INVS: variants seen among roughly 807,000 people sequenced by gnomAD.
The protein encoded by INVS is inversin.
In INVS, 86 loss-of-function variants were observed where a neutral mutation model predicts 108.8. The ratio of observed to expected loss-of-function variants is 0.79; its 90% CI spans 0.66 to 0.95. The LOEUF (loss-of-function observed/expected upper bound fraction) is 0.95. Among genes scored for constraint, INVS ranks in the 40% least tolerant of loss-of-function variants. The probability of loss-of-function intolerance (pLI) is 0.00; values close to 1 mark genes in which losing one functional copy is unlikely to be tolerated. For synonymous variants in INVS, 455 were observed against 473.5 expected, an observed-to-expected ratio of 0.96 and a Z score of 0.51; for missense variants, 1,169 against 1,297.4, an observed-to-expected ratio of 0.90 and a Z score of 1.52.
chr9:100,203,746 G>T (rs897319714), intron 3 of INVS, among the ~76,000 whole-genome samples: 1 of 151,804 alleles, frequency 6.6e-6, no homozygotes, highest in South Asian at 2.1e-4. Context: ...CAGGTGATCC[G>T]CCCGCCTCAG....
intron 16 of INVS, chr9:100,298,211 T>G (rs1405542697): frequency 4.7e-6 from 7 of 1,478,850 alleles, no homozygotes; most frequent in Non-Finnish European, 6.2e-6. Flanking sequence ...GCTATTATTG[T>G]TAACATTAAC....
At chr9:100,154,803 A>G (rs1162491517) in intron 3 of INVS, among the ~76,000 whole-genome samples, 1 of 152,206 alleles carries the variant, frequency 6.6e-6, no homozygotes, top group Non-Finnish European at 1.5e-5. Flanking sequence ...TCTTACCTAA[A>G]GGGAGAAGGA....
intron 3 of INVS, among the ~76,000 whole-genome samples, chr9:100,192,673 C>G (rs1830257099): frequency 6.6e-6 from 1 of 152,202 alleles, no homozygotes; most frequent in Admixed American, 6.5e-5. Context: ...CTCTGACCAA[C>G]AACACAGTAT....
At chr9:100,281,509 A>G (rs1833275594) in intron 12 of INVS, among the ~76,000 whole-genome samples, 1 of 152,072 alleles carries the variant, frequency 6.6e-6, no homozygotes, top group South Asian at 2.1e-4. Context: ...TTTTAATCCC[A>G]CTCCGTTTTT....
At chr9:100,142,273 G>T (rs1044679518) in intron 3 of INVS, among the ~76,000 whole-genome samples, 2 of 152,180 alleles carry the variant, frequency 1.3e-5, no homozygotes, top group Non-Finnish European at 2.9e-5. Flanking sequence ...AAATATTGAC[G>T]CATAGTCCTT....
At chr9:100,101,575 G>A (rs1368684657) in intron 1 of INVS, 5 of 152,146 alleles carry the variant, frequency 3.3e-5, no homozygotes, top group Non-Finnish European at 7.4e-5. Flanking sequence ...AAGACGTAAG[G>A]AGCTGTGCTT....
chr9:100,170,259 A>G (rs553342754), intron 3 of INVS, among the ~76,000 whole-genome samples: 1 of 152,260 alleles, frequency 6.6e-6, no homozygotes, highest in South Asian at 2.1e-4. Context: ...AATTACTCAT[A>G]GGAAATGGTA....
chr9:100,184,915 T>C (rs1185570409), intron 3 of INVS, among the ~76,000 whole-genome samples: 1 of 152,176 alleles, frequency 6.6e-6, no homozygotes, highest in Non-Finnish European at 1.5e-5. Context: ...CAAGTTACAA[T>C]TAATTTGTGA....
In INVS at chr9:100,189,106, CTTT is replaced by C. The variant is rs60762136; in HGVS notation, c.274-36937_274-36935del. Among the ~76,000 whole-genome samples, 59 of 69,536 alleles carry C rather than the reference CTTT, an allele frequency of 8.5e-4. 2 individuals carry two copies. The highest frequency in any genetic ancestry group is 3.7e-3 in the African/African-American group (54 of 14,740). The allele number at this position is 69,536 out of a possible 152,430, so 45.6% of individuals were successfully genotyped here. On this transcript the variant is annotated intron_variant, in intron 3 of 16. Coordinates refer to ENST00000262457, the MANE Select transcript of INVS (RefSeq NM_014425.5). ...TTCTAATGGAACTTATTTGCATCTT[CTTT>C]TTTTTTTTTTTTTTTTTTGGTTAAT...
intron 1 of INVS, among the ~76,000 whole-genome samples, chr9:100,100,762 TA>T (rs1826860296): frequency 3.9e-5 from 1 of 25,482 alleles, no homozygotes. Context: ...ATAATATATA[TA>T]ATATATGTAT....
At chr9:100,130,500 A>T (rs1374925335) in intron 3 of INVS, 1 of 152,170 alleles carries the variant, frequency 6.6e-6, no homozygotes, top group South Asian at 2.1e-4. Flanking sequence ...AATATCTACT[A>T]TGTAATCATG....
intron 3 of INVS, among the ~76,000 whole-genome samples, chr9:100,147,370 A>C: frequency 6.6e-6 from 1 of 152,358 alleles, no homozygotes; most frequent in East Asian, 1.9e-4. Context: ...ATCAGCAGTC[A>C]GTTTACATTA....
intron 10 of INVS, among the ~76,000 whole-genome samples, chr9:100,259,557 C>CT (rs35844010): frequency 0.51 from 67,686 of 132,956 alleles, 18,067 homozygotes; most frequent in Non-Finnish European, 0.57. Flanking sequence ...GAACTGGGGC[C>CT]TTTTTTTTTT....
chr9:100,208,275 G>T (rs937651049), intron 3 of INVS, among the ~76,000 whole-genome samples: 1 of 152,292 alleles, frequency 6.6e-6, no homozygotes, highest in East Asian at 1.9e-4. Context: ...TTGAATTCAA[G>T]CACTCACTGT....
chr9:100,138,991 C>T (rs1299804029), intron 3 of INVS, among the ~76,000 whole-genome samples: 4 of 152,186 alleles, frequency 2.6e-5, no homozygotes, highest in African/African-American at 9.7e-5. Context: ...CAGGCGTGAG[C>T]CACCGCGCCC....
chr9:100,151,624 T>C (rs1246738926), intron 3 of INVS, among the ~76,000 whole-genome samples: 1 of 152,180 alleles, frequency 6.6e-6, no homozygotes, highest in African/African-American at 2.4e-5. Flanking sequence ...CTGAATGAGA[T>C]GAGGAGGGTT....
In INVS at chr9:100,157,028, ATAATC is replaced by A. The variant is rs1289420881; in HGVS notation, c.273+30482_273+30486del. ...ACAGGTAAATTATTCATTGTTAAAT[ATAATC>A]TATTTTTCATACAGTGGAATACTTT... is the stretch of plus-strand genomic sequence containing the variant. On this transcript the variant is annotated intron_variant, in intron 3 of 16. Transcript: ENST00000262457. Among the ~76,000 whole-genome samples the A allele has an allele frequency of 2.0e-5, 3 of 151,590 alleles. No individual in the cohort carries two copies. In the East Asian group the frequency reaches 5.8e-4, roughly 29 times the overall value.
At chr9:100,271,027 T>A (rs1297194401) in intron 11 of INVS, among the ~76,000 whole-genome samples, 1 of 152,192 alleles carries the variant, frequency 6.6e-6, no homozygotes, top group Non-Finnish European at 1.5e-5. Context: ...ATTCATCGTT[T>A]CTAAATAATG....
chr9:100,292,069 A>AG (rs1412718107), intron 13 of INVS, among the ~76,000 whole-genome samples: 8 of 152,178 alleles, frequency 5.3e-5, no homozygotes, highest in African/African-American at 1.7e-4. Flanking sequence ...TGGCCTCCAG[A>AG]GTTCCTTTAT....
Sources: allele counts gnomAD v4.1 joint callset (sites outside exome capture counted in the v4.1 genomes callset), GRCh38; gene constraint gnomAD v4.1.1; transcripts MANE v1.5; gene names NCBI Gene and HGNC (gene_info 2026-07-23, HGNC 2026-07-21).